LRRTM4: variants seen among roughly 807,000 people sequenced by gnomAD.
LRRTM4 encodes the protein leucine rich repeat transmembrane neuronal 4.
A neutral mutation model predicts 47.6 loss-of-function variants in LRRTM4; 25 were observed. The ratio of observed to expected loss-of-function variants is 0.53; its 90% CI spans 0.38 to 0.73. The LOEUF is 0.73. Among genes scored for constraint, LRRTM4 ranks in the 30% least tolerant of loss-of-function variants. LRRTM4 has a pLI of 0.00. For synonymous variants in LRRTM4, 311 were observed against 269.5 expected, an observed-to-expected ratio of 1.15 and a Z score of -1.51; for missense variants, 638 against 713.4, an observed-to-expected ratio of 0.89 and a Z score of 1.20.
intron 3 of LRRTM4, among the ~76,000 whole-genome samples, chr2:76,839,492 G>C (rs1019381577): frequency 6.6e-6 from 1 of 152,104 alleles, no homozygotes; most frequent in Admixed American, 6.5e-5. Context: ...TCTTTTCTTT[G>C]TAGCTAAATA....
chr2:77,088,474 C>G (rs1316281301), intron 3 of LRRTM4, among the ~76,000 whole-genome samples: 1 of 152,086 alleles, frequency 6.6e-6, no homozygotes, highest in African/African-American at 2.4e-5. Flanking sequence ...ACCTTGCGAC[C>G]CCCACTCCTG....
Position 77,519,674 on chromosome 2 carries a change from G to T in LRRTM4, c.195C>A (p.Gly65=), listed in dbSNP as rs147860612. Reference sequence around the variant, plus strand: ...GAATGCTGTTGAACCTTAATGATAAGCCTTGTGACCCTCCAGAAATGTTCT... The same window carrying T: ...GAATGCTGTTGAACCTTAATGATAATCCTTGTGACCCTCCAGAAATGTTCT... The part of the protein sequence containing the change: ...IPENISGGSQ[G]LSLRFNSIQK... The change falls in exon 3 of 4, where the codon GGC becomes GGA. Residue 65 remains glycine (G), a synonymous_variant. Transcript: ENST00000409884. The surrounding 1 kb of genome is among the most constrained non-coding windows in gnomAD (Gnocchi z 4.6). 7.5e-5 allele frequency: 121 copies of T among 1,613,392 alleles called. No individual in the cohort carries two copies. The African/African-American group carries it at 1.4e-3, about 19-fold the overall frequency.
At chr2:77,372,442 A>C (rs1240861735) in intron 3 of LRRTM4, among the ~76,000 whole-genome samples, 1 of 151,712 alleles carries the variant, frequency 6.6e-6, no homozygotes, top group Non-Finnish European at 1.5e-5. Context: ...TAAGAATCCT[A>C]TTTAATTTTT....
chr2:77,498,626 C>T (rs1678453296), intron 3 of LRRTM4, among the ~76,000 whole-genome samples: 1 of 151,520 alleles, frequency 6.6e-6, no homozygotes, highest in Admixed American at 6.7e-5. Flanking sequence ...TTTCCCAAAC[C>T]CAATTACTCA....
chr2:77,117,365 T>C (rs2103948352), intron 3 of LRRTM4, among the ~76,000 whole-genome samples: 1 of 152,120 alleles, frequency 6.6e-6, no homozygotes, highest in Admixed American at 6.6e-5. Flanking sequence ...ATTTAAATAT[T>C]ATCTCTTACA....
Position 77,412,556 on chromosome 2 carries a change from T to C in LRRTM4, c.1551+105762A>G, listed in dbSNP as rs369333569. Reference sequence around the variant, plus strand: ...CCTTGTAAAAAGGAAATGCGGCTGCTTGGAATCATGTCTGTCTGTAACTGA... The same window carrying C: ...CCTTGTAAAAAGGAAATGCGGCTGCCTGGAATCATGTCTGTCTGTAACTGA... On this transcript the variant is annotated intron_variant, in intron 3 of 3. Coordinates refer to ENST00000409884, the MANE Select transcript of LRRTM4 (RefSeq NM_001134745.3). Among the ~76,000 whole-genome samples the C allele has an allele frequency of 6.6e-5, 10 of 152,314 alleles. No homozygotes were observed. In the South Asian group the frequency reaches 1.0e-3, roughly 16 times the overall value.
intron 3 of LRRTM4, among the ~76,000 whole-genome samples, chr2:77,420,683 T>A (rs866308883): frequency 1.3e-4 from 19 of 150,432 alleles, no homozygotes; most frequent in Admixed American, 6.0e-4. Context: ...CAAGGAGCCT[T>A]GTCTTTTTTT....
chr2:76,829,297 G>T (rs1013376899), intron 3 of LRRTM4, among the ~76,000 whole-genome samples: 8 of 151,914 alleles, frequency 5.3e-5, no homozygotes, highest in Admixed American at 4.6e-4. Context: ...CTCCTCGAGT[G>T]CAGGAAGAAC....
At chr2:77,121,281 C>T (rs926807172) in intron 3 of LRRTM4, among the ~76,000 whole-genome samples, 6 of 151,738 alleles carry the variant, frequency 4.0e-5, no homozygotes, top group Non-Finnish European at 7.4e-5. Context: ...TTATCCTCAG[C>T]TTTTCATTGT....
At chr2:77,437,594 A>G (rs1404100253) in intron 3 of LRRTM4, among the ~76,000 whole-genome samples, 1 of 152,132 alleles carries the variant, frequency 6.6e-6, no homozygotes, top group Non-Finnish European at 1.5e-5. Flanking sequence ...GATAAGTGTA[A>G]AACATTAGCA....
chr2:77,222,353 G>A (rs904178502), intron 3 of LRRTM4, among the ~76,000 whole-genome samples: 4 of 151,952 alleles, frequency 2.6e-5, no homozygotes, highest in African/African-American at 7.3e-5. Flanking sequence ...AAATAACTAA[G>A]GTCAGAGCAG....
At chr2:77,228,095 T>C (rs182732722) in intron 3 of LRRTM4, among the ~76,000 whole-genome samples, 3 of 152,064 alleles carry the variant, frequency 2.0e-5, no homozygotes, top group African/African-American at 7.2e-5. Context: ...TTATAAATTC[T>C]TATAGCACAA....
At chr2:77,304,545 A>G (rs1378618040) in intron 3 of LRRTM4, among the ~76,000 whole-genome samples, 2 of 152,160 alleles carry the variant, frequency 1.3e-5, no homozygotes, top group African/African-American at 4.8e-5. Flanking sequence ...CAAACCTGAA[A>G]AAAATACTTG....
chr2:77,446,321 T>G (rs138970349), intron 3 of LRRTM4, among the ~76,000 whole-genome samples: 1 of 151,988 alleles, frequency 6.6e-6, no homozygotes, highest in Non-Finnish European at 1.5e-5. Flanking sequence ...CTAGAAGTGT[T>G]GCACATTCTT....
intron 3 of LRRTM4, among the ~76,000 whole-genome samples, chr2:77,310,757 C>G (rs1299087456): frequency 6.6e-6 from 1 of 152,156 alleles, no homozygotes; most frequent in Non-Finnish European, 1.5e-5. Flanking sequence ...AGCAATGTGT[C>G]AATACCTGTA....
chr2:76,795,357 AATTTAAC>A (rs1463093193), intron 3 of LRRTM4, among the ~76,000 whole-genome samples: 10 of 139,898 alleles, frequency 7.1e-5, no homozygotes, highest in South Asian at 2.2e-4. Flanking sequence ...TATATCCATG[AATTTAAC>A]CAACTTTATA....
rs1670810593 is a variant in LRRTM4, at chr2:77,096,288, A to C, written c.1552-347372T>G. Among the ~76,000 whole-genome samples the C allele has an allele frequency of 2.6e-5, 4 of 151,868 alleles. No individual in the cohort carries two copies. The South Asian group carries it at 8.3e-4, about 31-fold the overall frequency. ...TAATGCCTTCAAAATTTTGGAAAAA[A>C]CTGTCGTAATTTAAATATGTTCATG... On this transcript the variant is annotated intron_variant, in intron 3 of 3. Coordinates refer to ENST00000409884, the MANE Select transcript of LRRTM4 (RefSeq NM_001134745.3).
At chr2:76,908,488 GC>G (rs1673931457) in intron 3 of LRRTM4, among the ~76,000 whole-genome samples, 1 of 151,432 alleles carries the variant, frequency 6.6e-6, no homozygotes, top group South Asian at 2.1e-4. Flanking sequence ...GGAAGTTCTG[GC>G]CAGGGCAATT....
intron 3 of LRRTM4, among the ~76,000 whole-genome samples, chr2:77,404,322 T>C (rs959196699): frequency 6.6e-6 from 1 of 152,056 alleles, no homozygotes; most frequent in Non-Finnish European, 1.5e-5. Flanking sequence ...TATCTCTAAT[T>C]TTCCCATCAT....
Sources: gnomAD v4.1 joint callset for allele counts (sites outside exome capture counted in the v4.1 genomes callset) on GRCh38, gnomAD v4.1.1 for gene constraint, Gnocchi (gnomAD v3.1) non-coding constraint, MANE v1.5 for transcripts, NCBI Gene and HGNC (gene_info 2026-07-23, HGNC 2026-07-21) for gene names.